PRUNE2: variants seen among roughly 807,000 people sequenced by gnomAD.
PRUNE2 encodes the protein prune homolog 2 with BCH domain.
In PRUNE2, 164 loss-of-function variants were observed where a neutral mutation model predicts 252.0. That is an observed-to-expected ratio of 0.65 (90% CI 0.57 to 0.74). The LOEUF is 0.74. Among genes scored for constraint, PRUNE2 ranks in the 30% least tolerant of loss-of-function variants. The pLI, the probability that PRUNE2 is intolerant of heterozygous loss-of-function variation, is 0.00. For missense variants in PRUNE2, 3,495 were observed against 3,711.0 expected (o/e 0.94, Z 1.51); for synonymous variants, 1,292 against 1,350.2 (o/e 0.96, Z 0.94).
rs1205314183 is a variant in PRUNE2, at chr9:76,831,198, G to A, written c.509-4466C>T. 1.1e-4 allele frequency among the ~76,000 whole-genome samples: 16 copies of A among 151,784 alleles called. No individual in the cohort carries two copies. The East Asian group carries it at 2.9e-3, about 28-fold the overall frequency. On this transcript the variant is annotated intron_variant, in intron 4 of 18. Transcript: ENST00000376718. ...CCCACCTCGGCCTCCCAAAGTGCTG[G>A]GATTACAGGCTTGAGCCACCGCACC... is the stretch of plus-strand genomic sequence containing the variant.
intron 6 of PRUNE2, among the ~76,000 whole-genome samples, chr9:76,800,541 A>C (rs2056477620): frequency 6.6e-6 from 1 of 152,156 alleles, no homozygotes; most frequent in East Asian, 1.9e-4. Context: ...TAATTTTCCA[A>C]CTCTTCTTTT....
In PRUNE2 at chr9:76,896,738, C is replaced by T. The variant is rs148409336; in HGVS notation, c.36+9190G>A. ...GACACAACCGAGAGCTGTGTTCTAACCCTGGATCTTCTCCTGCCTAGACCC... is the reference window on the plus strand; with the variant it reads ...GACACAACCGAGAGCTGTGTTCTAATCCTGGATCTTCTCCTGCCTAGACCC... On this transcript the variant is annotated intron_variant, in intron 1 of 18. Coordinates refer to ENST00000376718, the MANE Select transcript of PRUNE2 (RefSeq NM_015225.3). Among the ~76,000 whole-genome samples the T allele has an allele frequency of 9.9e-5, 15 of 152,216 alleles. No individual in the cohort carries two copies. The East Asian group carries it at 1.9e-3, about 20-fold the overall frequency.
intron 4 of PRUNE2, among the ~76,000 whole-genome samples, chr9:76,833,692 G>A (rs923242913): frequency 4.6e-5 from 7 of 151,656 alleles, no homozygotes; most frequent in African/African-American, 7.3e-5. Context: ...GTGAACCCGG[G>A]AGGCGGAGCT....
chr9:76,736,320 T>A (rs1328894379), intron 6 of PRUNE2, among the ~76,000 whole-genome samples: 1 of 152,198 alleles, frequency 6.6e-6, no homozygotes, highest in African/African-American at 2.4e-5. Flanking sequence ...CTTTATGCTA[T>A]GGATAATTTC....
In PRUNE2 at chr9:76,685,047, C is replaced by T. The variant is rs111503140; in HGVS notation, c.8276+18290G>A. ...GATTACAGGCGTGAGCCACCGCGCC[C>T]GGCCACTTCTGCCTCTTATTAACCA... On this transcript the variant is annotated intron_variant, in intron 9 of 18. Coordinates refer to ENST00000376718, the MANE Select transcript of PRUNE2 (RefSeq NM_015225.3). 7.3e-4 allele frequency among the ~76,000 whole-genome samples: 111 copies of T among 152,206 alleles called. 1 individual carries two copies. Among genetic ancestry groups the T allele is most frequent in the East Asian group, 7.0e-3 (36 of 5,162 alleles).
At position 76,786,905 on chromosome 9, in the gene PRUNE2, A is replaced by G. The variant is rs555092987; in HGVS notation, c.756+36727T>C. The G allele has an allele frequency of 3.9e-5, 6 of 152,342 alleles. No individual in the cohort carries two copies. The East Asian group carries it at 1.2e-3, about 29-fold the overall frequency. 9.4% of individuals were successfully genotyped at this position (152,342 alleles called of 1,614,324 possible). On this transcript the variant is annotated intron_variant, in intron 6 of 18. Transcript: ENST00000376718. ...GAAACCCAGTGGCTCCTTGTGGTACATGCATGCAAGACTGCTGAAGCCAGA... is the reference window on the plus strand; with the variant it reads ...GAAACCCAGTGGCTCCTTGTGGTACGTGCATGCAAGACTGCTGAAGCCAGA...
chr9:76,731,979 C>T (rs549777970), intron 6 of PRUNE2, among the ~76,000 whole-genome samples: 156 of 152,332 alleles, frequency 1.0e-3, no homozygotes, highest in Admixed American at 2.4e-3. Flanking sequence ...TAGCAAGCAT[C>T]AGGTCCTCTA....
At chr9:76,761,488 T>C (rs888302040) in intron 6 of PRUNE2, among the ~76,000 whole-genome samples, 2 of 152,236 alleles carry the variant, frequency 1.3e-5, no homozygotes, top group African/African-American at 4.8e-5. Flanking sequence ...AAAGACTTAG[T>C]CAATTTAATT....
At chr9:76,812,854 CTG>C (rs2057448600) in intron 6 of PRUNE2, among the ~76,000 whole-genome samples, 1 of 152,166 alleles carries the variant, frequency 6.6e-6, no homozygotes, top group Non-Finnish European at 1.5e-5. Context: ...CAAGAGCTGA[CTG>C]TTAAATTTTC....
In PRUNE2 at chr9:76,614,468, T is replaced by C. The variant is rs2131782961; in HGVS notation, c.*102A>G. The C allele has an allele frequency of 2.1e-6, 2 of 933,210 alleles. No homozygotes were observed. The highest frequency in any genetic ancestry group is 2.9e-5 in the South Asian group (2 of 69,842). 57.8% of individuals were successfully genotyped at this position (933,210 alleles called of 1,614,324 possible). The stretch of plus-strand genomic sequence containing the variant: ...AGAAATTTAGAATGGCACCAGGTAG[T>C]GCAAAGTGGAAAAAGGTAACATCAG... On this transcript the variant is annotated 3_prime_UTR_variant, in exon 19 of 19. Transcript: ENST00000376718.
chr9:76,638,547 G>A (rs1300322125), intron 12 of PRUNE2, among the ~76,000 whole-genome samples: 1 of 152,066 alleles, frequency 6.6e-6, no homozygotes, highest in African/African-American at 2.4e-5. Flanking sequence ...TATATATTAC[G>A]GATGATTATA....
chr9:76,654,564 T>C (rs767981812), intron 10 of PRUNE2, among the ~76,000 whole-genome samples: 27 of 152,198 alleles, frequency 1.8e-4, no homozygotes, highest in Admixed American at 4.6e-4. Context: ...AGAAGAGCAT[T>C]TTAAAAAATT....
chr9:76,837,360 T>G (rs1396288313), intron 4 of PRUNE2, among the ~76,000 whole-genome samples: 2 of 151,850 alleles, frequency 1.3e-5, no homozygotes, highest in South Asian at 2.1e-4. Flanking sequence ...GAGAATTGCT[T>G]GAACCCGGGA....
intron 5 of PRUNE2, among the ~76,000 whole-genome samples, chr9:76,825,548 G>A (rs574210137): frequency 6.6e-6 from 1 of 152,340 alleles, no homozygotes; most frequent in South Asian, 2.1e-4. Flanking sequence ...CCTGAACTAA[G>A]AGAGAAAGTT....
At chr9:76,868,837 T>TGGGGGGGGGGGGGGGGG (rs111357062) in intron 1 of PRUNE2, 3 of 77,094 alleles carry the variant, frequency 3.9e-5, no homozygotes, top group African/African-American at 4.1e-5. Flanking sequence ...CCTTGGGGGG[T>TGGGGGGGGGGGGGGGGG]GGGGGGGGGG....
At chr9:76,841,745 T>C (rs1398357788) in intron 4 of PRUNE2, among the ~76,000 whole-genome samples, 2 of 152,194 alleles carry the variant, frequency 1.3e-5, no homozygotes, top group Non-Finnish European at 2.9e-5. Flanking sequence ...ACTACCTCTC[T>C]AGATTCCTCC....
intron 4 of PRUNE2, among the ~76,000 whole-genome samples, chr9:76,845,597 C>T (rs2059630406): frequency 6.6e-6 from 1 of 152,174 alleles, no homozygotes; most frequent in African/African-American, 2.4e-5. Context: ...GGACCTTTTC[C>T]CCTCCAAACT....
At chr9:76,626,503 A>G (rs955974662) in intron 16 of PRUNE2, among the ~76,000 whole-genome samples, 3 of 152,252 alleles carry the variant, frequency 2.0e-5, no homozygotes, top group African/African-American at 7.2e-5. Context: ...AACAGAACAC[A>G]TGGACATGTG....
chr9:76,841,949 A>T (rs2132365580), intron 4 of PRUNE2, among the ~76,000 whole-genome samples: 1 of 152,234 alleles, frequency 6.6e-6, no homozygotes, highest in Non-Finnish European at 1.5e-5. Context: ...CCCACCTGAG[A>T]AGAAAGCTAC....
Sources: gnomAD v4.1 joint callset for allele counts (sites outside exome capture counted in the v4.1 genomes callset) on GRCh38, gnomAD v4.1.1 for gene constraint, MANE v1.5 for transcripts, NCBI Gene and HGNC (gene_info 2026-07-23, HGNC 2026-07-21) for gene names.